Variants in GNG7 observed in about 807,000 individuals in gnomAD.
The protein encoded by GNG7 is guanine nucleotide-binding protein G(I)/G(S)/G(O) subunit gamma-7.
Under a neutral mutation model 4.0 loss-of-function variants are expected in GNG7, and 1 was observed. The observed-to-expected ratio is 0.25, with a 90% CI of 0.09 to 1.18. The LOEUF is 1.18. GNG7 is among the 50% of genes most tolerant of loss of function. The probability of loss-of-function intolerance (pLI) is 0.50; values close to 1 mark genes in which losing one functional copy is unlikely to be tolerated. For missense variants in GNG7, 86 were observed against 91.9 expected, an observed-to-expected ratio of 0.94 and a Z score of 0.26; for synonymous variants, 34 against 36.9, an observed-to-expected ratio of 0.92 and a Z score of 0.29.
chr19:2,645,008 G>A (rs959931131), intron 2 of GNG7, among the ~76,000 whole-genome samples: 5 of 152,168 alleles, frequency 3.3e-5, no homozygotes, highest in African/African-American at 1.2e-4. Context: ...ACTGGGCTTA[G>A]CTAAAATATG....
chr19:2,635,636 G>A (rs1456078873), intron 2 of GNG7, among the ~76,000 whole-genome samples: 1 of 150,252 alleles, frequency 6.7e-6, no homozygotes, highest in Non-Finnish European at 1.5e-5. Flanking sequence ...AGGCTGTAGT[G>A]CAATGGTGCA....
intron 2 of GNG7, among the ~76,000 whole-genome samples, chr19:2,566,262 A>G (rs1979905452): frequency 6.6e-6 from 1 of 152,172 alleles, no homozygotes; most frequent in Admixed American, 6.6e-5. Flanking sequence ...TGGGGTGACA[A>G]GGCAGAGATT....
At chr19:2,628,614 A>G (rs1982079056) in intron 2 of GNG7, among the ~76,000 whole-genome samples, 1 of 151,940 alleles carries the variant, frequency 6.6e-6, no homozygotes, top group Admixed American at 6.6e-5. Flanking sequence ...CTGCTGTGCA[A>G]TGGCTCTCCA....
At chr19:2,524,961 C>T (rs1978346186) in intron 3 of GNG7, among the ~76,000 whole-genome samples, 1 of 151,910 alleles carries the variant, frequency 6.6e-6, no homozygotes, top group Non-Finnish European at 1.5e-5. Context: ...GATGCCGAGA[C>T]TCAGACACAG....
intron 2 of GNG7, among the ~76,000 whole-genome samples, chr19:2,579,224 G>A (rs1308969470): frequency 6.6e-6 from 1 of 152,224 alleles, no homozygotes; most frequent in Non-Finnish European, 1.5e-5. Flanking sequence ...CACCTGACTC[G>A]GACCATGTGG....
intron 1 of GNG7, among the ~76,000 whole-genome samples, chr19:2,665,575 C>T (rs943518548): frequency 1.3e-5 from 2 of 152,164 alleles, no homozygotes; most frequent in Admixed American, 6.6e-5. Flanking sequence ...TGGGTGGGGA[C>T]GTACGCTCTG....
rs192494815 is a variant in GNG7, at chr19:2,688,239, C to T, written c.-135+14407G>A. On this transcript the variant is annotated intron_variant, in intron 1 of 4. Transcript: ENST00000382159. ...CTGCACTCCAGCCTGGGCGACAGAGCGAGACTCCGTCTCAACAAAAGAAAA... is the reference window on the plus strand; with the variant it reads ...CTGCACTCCAGCCTGGGCGACAGAGTGAGACTCCGTCTCAACAAAAGAAAA... Among the ~76,000 whole-genome samples the T allele has an allele frequency of 4.2e-3, 644 of 152,224 alleles. 7 individuals are homozygous for T. The highest frequency in any genetic ancestry group is 0.014 in the African/African-American group (595 of 41,538).
intron 2 of GNG7, among the ~76,000 whole-genome samples, chr19:2,621,528 T>A (rs1178367469): frequency 2.0e-5 from 3 of 151,152 alleles, no homozygotes; most frequent in Non-Finnish European, 4.4e-5. Flanking sequence ...ACAAACCTCA[T>A]CTCTACTAAA....
At chr19:2,654,531 C>T (rs1451325501) in intron 1 of GNG7, among the ~76,000 whole-genome samples, 4 of 140,600 alleles carry the variant, frequency 2.8e-5, no homozygotes, top group African/African-American at 1.1e-4. Flanking sequence ...AGAAAGACCT[C>T]CTCAGTTAGG....
chr19:2,680,076 AC>A (rs1358397054), intron 1 of GNG7, among the ~76,000 whole-genome samples: 1 of 151,346 alleles, frequency 6.6e-6, no homozygotes, highest in Non-Finnish European at 1.5e-5. Context: ...ATCTTGGGAG[AC>A]CGAGGAGGGA....
Position 2,618,339 on chromosome 19 carries a change from T to C in GNG7, c.-78+27885A>G, listed in dbSNP as rs2144829589. Among the ~76,000 whole-genome samples the C allele has an allele frequency of 7.0e-6, 1 of 143,804 alleles. No individual in the cohort carries two copies. Among genetic ancestry groups the C allele is most frequent in the East Asian group, 2.0e-4 (1 of 5,112 alleles). 94.3% of individuals were successfully genotyped at this position (143,804 alleles called of 152,430 possible). ...TTTTTCTCTTTTCTACCTGTATGTG[T>C]GTGGTGTGTGTGTGTGTGTGTGTGT... On this transcript the variant is annotated intron_variant, in intron 2 of 4. Transcript: ENST00000382159. The surrounding 1 kb of genome is among the most constrained non-coding windows in gnomAD (Gnocchi z 5.1).
chr19:2,637,156 G>T (rs1982332990), intron 2 of GNG7, among the ~76,000 whole-genome samples: 1 of 151,860 alleles, frequency 6.6e-6, no homozygotes, highest in East Asian at 1.9e-4. Context: ...CCTCGTGGCC[G>T]CCAGCGGTAA....
At position 2,626,241 on chromosome 19, in the gene GNG7, C is replaced by T. The variant is rs1982018505; in HGVS notation, c.-78+19983G>A. ...AAGCTGATGCTGCTCCCGCCCCAGG[C>T]CTGAAGCCGGCCCCCTGCCCCAAAC... On this transcript the variant is annotated intron_variant, in intron 2 of 4. Transcript: ENST00000382159. This position sits in a 1 kb window ranked among gnomAD's most constrained non-coding sequence, Gnocchi z 5.0. Among the ~76,000 whole-genome samples, 1 of 152,186 alleles carries T rather than the reference C, an allele frequency of 6.6e-6. No individual in the cohort carries two copies. Among genetic ancestry groups the T allele is most frequent in the African/African-American group, 2.4e-5 (1 of 41,436 alleles).
chr19:2,688,234 C>A (rs997861628), intron 1 of GNG7, among the ~76,000 whole-genome samples: 10 of 152,330 alleles, frequency 6.6e-5, no homozygotes, highest in African/African-American at 1.9e-4. Context: ...GCCTGGGCGA[C>A]AGAGCGAGAC....
At chr19:2,579,083 T>C (rs906681541) in intron 2 of GNG7, among the ~76,000 whole-genome samples, 4 of 152,232 alleles carry the variant, frequency 2.6e-5, no homozygotes, top group Admixed American at 2.0e-4. Context: ...TCTCCGGCCC[T>C]GGCAGCCCGC....
At position 2,539,852 on chromosome 19, in the gene GNG7, G is replaced by GCCTCCCTCCCGTCCTC. The variant is rs1555691999; in HGVS notation, c.-38+15296_-38+15297insGAGGACGGGAGGGAGG. Reference sequence around the variant, plus strand: ...CTCACACCTCTCCTTTCTCCTTCCTGCCTCCCTCCCTTCTTCTTTCTCTCT... The same window carrying GCCTCCCTCCCGTCCTC: ...CTCACACCTCTCCTTTCTCCTTCCTGCCTCCCTCCCGTCCTCCCTCCCTCCCTTCTTCTTTCTCTCT... On this transcript the variant is annotated intron_variant, in intron 3 of 4. Coordinates refer to ENST00000382159, the MANE Select transcript of GNG7 (RefSeq NM_052847.3). Among the ~76,000 whole-genome samples the GCCTCCCTCCCGTCCTC allele has an allele frequency of 2.7e-5, 4 of 146,756 alleles. No homozygotes were observed. The East Asian group carries it at 6.3e-4, about 23-fold the overall frequency.
At chr19:2,576,590 C>T (rs571067957) in intron 2 of GNG7, among the ~76,000 whole-genome samples, 14 of 152,234 alleles carry the variant, frequency 9.2e-5, no homozygotes, top group African/African-American at 1.9e-4. Context: ...CTTCACTGCC[C>T]AGGCTGAGTG....
chr19:2,595,981 G>A (rs1032128806), intron 2 of GNG7, among the ~76,000 whole-genome samples: 11 of 152,038 alleles, frequency 7.2e-5, no homozygotes, highest in Non-Finnish European at 1.5e-5. Context: ...CTCTCACGGC[G>A]ACTCTACGCT....
At chr19:2,562,360 T>G (rs1259761124) in intron 2 of GNG7, among the ~76,000 whole-genome samples, 2 of 151,986 alleles carry the variant, frequency 1.3e-5, no homozygotes, top group Admixed American at 1.3e-4. Context: ...CTCGGCTCAC[T>G]GCAACCTCCG....
Sources: gnomAD v4.1 joint callset for allele counts (sites outside exome capture counted in the v4.1 genomes callset) on GRCh38, gnomAD v4.1.1 for gene constraint, Gnocchi (gnomAD v3.1) non-coding constraint, MANE v1.5 for transcripts, NCBI Gene and HGNC (gene_info 2026-07-23, HGNC 2026-07-21) for gene names.